The following KAT14 variants were observed in gnomAD, a reference collection of about 807,000 sequenced individuals.
KAT14 encodes cysteine-rich protein 2-binding protein.
Under a neutral mutation model 78.4 loss-of-function variants are expected in KAT14, and 66 were observed. The observed-to-expected ratio is 0.84, with a 90% CI of 0.69 to 1.03. The LOEUF (loss-of-function observed/expected upper bound fraction) is 1.03. KAT14 is among the 50% of genes least tolerant of loss of function. KAT14 has a pLI of 0.00. For missense variants in KAT14, 870 were observed against 972.5 expected (o/e 0.89, Z 1.40); for synonymous variants, 344 against 359.4 (o/e 0.96, Z 0.48).
intron 7 of KAT14, among the ~76,000 whole-genome samples, chr20:18,172,416 TG>T: frequency 6.7e-6 from 1 of 150,288 alleles, no homozygotes; most frequent in Non-Finnish European, 1.5e-5. Flanking sequence ...TTTTTTTTTT[TG>T]AGACAGTGTC....
chr20:18,151,091 C>A, intron 4 of KAT14, 149 bp downstream of exon 4: 1 of 1,067,792 alleles, frequency 9.4e-7, no homozygotes, highest in Non-Finnish European at 1.3e-6. Flanking sequence ...GTGGCATGAC[C>A]ATAGCTCACT....
chr20:18,161,792 T>C lies in KAT14; in HGVS notation c.683-31T>C. 1.3e-6 allele frequency: 2 copies of C among 1,596,028 alleles called. 1 individual carries two copies. Among genetic ancestry groups the C allele is most frequent in the East Asian group, 4.5e-5 (2 of 44,684 alleles). On this transcript the variant is annotated intron_variant, in intron 5 of 10. Coordinates refer to ENST00000688188, the MANE Select transcript of KAT14 (RefSeq NM_001392073.1). Reference sequence around the variant, plus strand: ...GTGCCCAAGCATTTCAGATGAGGGATACTCAGCCTGTATTTATTCTTTCTT... The same window carrying C: ...GTGCCCAAGCATTTCAGATGAGGGACACTCAGCCTGTATTTATTCTTTCTT...
chr20:18,142,517 C>T lies in KAT14; in HGVS notation c.-144C>T, dbSNP rs2037625407. 1.4e-6 allele frequency: 2 copies of T among 1,467,138 alleles called. No homozygotes were observed. The highest frequency in any genetic ancestry group is 9.0e-7 in the Non-Finnish European group (1 of 1,111,288). The allele number at this position is 1,467,138 out of a possible 1,614,324, so 90.9% of individuals were successfully genotyped here. Reference sequence around the variant, plus strand: ...TCATATAAGTTACTGCTTTCAGGGTCCCTTATATCTGAATAAAGGAGTGTG... The same window carrying T: ...TCATATAAGTTACTGCTTTCAGGGTTCCTTATATCTGAATAAAGGAGTGTG... On this transcript the variant is annotated 5_prime_UTR_variant, in exon 2 of 11. Coordinates refer to ENST00000688188, the MANE Select transcript of KAT14 (RefSeq NM_001392073.1).
At chr20:18,178,391 G>A (rs1444753276) in intron 7 of KAT14, among the ~76,000 whole-genome samples, 1 of 152,064 alleles carries the variant, frequency 6.6e-6, no homozygotes, top group Non-Finnish European at 1.5e-5. Context: ...CTGGAAAAGA[G>A]ATTGTATTAG....
chr20:18,138,184 C>T lies in KAT14; in HGVS notation c.-454+133C>T, dbSNP rs565214973. 3.1e-6 allele frequency: 4 copies of T among 1,285,230 alleles called. No homozygotes were observed. In the African/African-American group the frequency reaches 4.6e-5, roughly 15 times the overall value. The allele number at this position is 1,285,230 out of a possible 1,614,324, so 79.6% of individuals were successfully genotyped here. A position where few individuals can be genotyped will look rare whatever the true frequency, so the allele number is the denominator to read the frequency against. On this transcript the variant is annotated intron_variant, in intron 1 of 10. Coordinates refer to ENST00000688188, the MANE Select transcript of KAT14 (RefSeq NM_001392073.1). ...CCCGCGGTGGCGCGGCCCTGCACCC[C>T]ACGCGTTTGCGGCTGCGGCCGGCGG...
intron 9 of KAT14, among the ~76,000 whole-genome samples, chr20:18,184,282 C>T (rs779689622): frequency 2.0e-5 from 3 of 152,154 alleles, no homozygotes; most frequent in Admixed American, 6.6e-5. Context: ...GTCTCTGAGA[C>T]ATTTTGAAAT....
chr20:18,143,632 ATT>A (rs74179176), intron 2 of KAT14, among the ~76,000 whole-genome samples: 3 of 123,124 alleles, frequency 2.4e-5, no homozygotes, highest in African/African-American at 9.1e-5. Flanking sequence ...TTTTTATTTT[ATT>A]TTTTTTTTTT....
intron 7 of KAT14, among the ~76,000 whole-genome samples, chr20:18,172,430 G>T (rs1446212336): frequency 1.4e-5 from 2 of 139,210 alleles, no homozygotes; most frequent in Non-Finnish European, 3.1e-5. Flanking sequence ...ACAGTGTCTC[G>T]CTGTCACCCA....
At chr20:18,173,261 G>A (rs571282325) in intron 7 of KAT14, among the ~76,000 whole-genome samples, 2 of 152,314 alleles carry the variant, frequency 1.3e-5, no homozygotes, top group African/African-American at 4.8e-5. Flanking sequence ...AGACTTGTCC[G>A]CATTGAGCCT....
chr20:18,169,040 A>T (rs190033088), intron 7 of KAT14, among the ~76,000 whole-genome samples: 2 of 151,802 alleles, frequency 1.3e-5, no homozygotes, highest in East Asian at 3.9e-4. Flanking sequence ...GTTTTTACTG[A>T]CAGATCCTCA....
chr20:18,153,797 A>T (rs1433363685), intron 4 of KAT14, among the ~76,000 whole-genome samples: 1 of 152,234 alleles, frequency 6.6e-6, no homozygotes, highest in Admixed American at 6.5e-5. Context: ...AAATACATTA[A>T]TTTTAAAAAG....
chr20:18,175,219 G>A (rs1475190540), intron 7 of KAT14, among the ~76,000 whole-genome samples: 1 of 152,076 alleles, frequency 6.6e-6, no homozygotes, highest in East Asian at 1.9e-4. Context: ...TCTCGCCCAG[G>A]TGCTGCTTTT....
intron 4 of KAT14, among the ~76,000 whole-genome samples, chr20:18,153,829 A>G (rs1214718734): frequency 6.6e-6 from 1 of 152,250 alleles, no homozygotes. Flanking sequence ...CACCATGGTA[A>G]GTGGGAAACC....
Position 18,158,955 on chromosome 20 carries a change from G to A in KAT14, c.501-129G>A, listed in dbSNP as rs187720423. 351 of 1,151,940 alleles carry A rather than the reference G, an allele frequency of 3.0e-4. 1 individual carries two copies. In the African/African-American group the frequency reaches 5.0e-3, roughly 16 times the overall value. 71.4% of individuals were successfully genotyped at this position (1,151,940 alleles called of 1,614,324 possible). ...CTCCAGAGCCTCTCTCCTGCCTCTC[G>A]TGCTCTGCTCCTTCAGTAGCTGGAG... On this transcript the variant is annotated intron_variant, in intron 4 of 10. Coordinates refer to ENST00000688188, the MANE Select transcript of KAT14 (RefSeq NM_001392073.1).
At chr20:18,160,578 T>C (rs1222834482) in intron 5 of KAT14, among the ~76,000 whole-genome samples, 1 of 152,114 alleles carries the variant, frequency 6.6e-6, no homozygotes, top group East Asian at 1.9e-4. Context: ...TCTACCTTTT[T>C]GTTGCTATTT....
At chr20:18,159,319 T>C in intron 5 of KAT14, 54 bp downstream of exon 5, 1 of 1,578,756 alleles carries the variant, frequency 6.3e-7, no homozygotes, top group Admixed American at 1.9e-5. Context: ...GCCAAGCAGG[T>C]GTGAGCCCAG....
At position 18,142,728 on chromosome 20, in the gene KAT14, C is replaced by A; in HGVS notation, c.68C>A (p.Thr23Asn). ...RHDDEATRTSTSEGLEEGEVE... is the reference protein window; with the variant it reads ...RHDDEATRTSNSEGLEEGEVE... Reference sequence around the variant, plus strand: ...GATGACGAAGCCACGAGAACATCGACCTCAGAAGGACTGGAGGAAGGTGAA... The same window carrying A: ...GATGACGAAGCCACGAGAACATCGAACTCAGAAGGACTGGAGGAAGGTGAA... The change falls in exon 2 of 11, where the codon ACC (threonine) becomes AAC (asparagine). Residue 23 changes from threonine (T) to asparagine (N), a missense_variant. Coordinates refer to ENST00000688188, the MANE Select transcript of KAT14 (RefSeq NM_001392073.1). 1 of 1,614,150 alleles carries A rather than the reference C, an allele frequency of 6.2e-7. No individual in the cohort carries two copies. Among genetic ancestry groups the A allele is most frequent in the Non-Finnish European group, 8.5e-7 (1 of 1,180,032 alleles).
At chr20:18,153,966 C>T (rs1403380720) in intron 4 of KAT14, among the ~76,000 whole-genome samples, 1 of 152,196 alleles carries the variant, frequency 6.6e-6, no homozygotes, top group East Asian at 1.9e-4. Flanking sequence ...GAGGCTGCTA[C>T]AAGTGTTAAT....
chr20:18,161,212 A>G (rs930651071), intron 5 of KAT14, among the ~76,000 whole-genome samples: 4 of 151,516 alleles, frequency 2.6e-5, no homozygotes, highest in African/African-American at 9.7e-5. Flanking sequence ...TGCCCATGAA[A>G]ATGCCCATTT....
Sources: gnomAD v4.1 joint callset for allele counts (sites outside exome capture counted in the v4.1 genomes callset) on GRCh38, gnomAD v4.1.1 for gene constraint, MANE v1.5 for transcripts, NCBI Gene and HGNC (gene_info 2026-07-23, HGNC 2026-07-21) for gene names.